Variants in ERC2 observed in about 807,000 individuals in gnomAD.
The protein encoded by ERC2 is ERC protein 2.
Under a neutral mutation model 114.8 loss-of-function variants are expected in ERC2, and 42 were observed. The ratio of observed to expected loss-of-function variants is 0.37; its 90% confidence interval spans 0.29 to 0.47. The LOEUF is 0.47. Ranked by LOEUF, ERC2 falls within the 20% of genes least tolerant of loss-of-function variation. The pLI, the probability that ERC2 is intolerant of heterozygous loss-of-function variation, is 0.99. For missense variants in ERC2, 939 were observed against 1,150.7 expected (o/e 0.82, Z 2.66); for synonymous variants, 454 against 425.5 (o/e 1.07, Z -0.82).
intron 3 of ERC2, among the ~76,000 whole-genome samples, chr3:56,203,561 T>C (rs1205070424): frequency 1.3e-5 from 2 of 152,200 alleles, no homozygotes. Flanking sequence ...AATTAAAATG[T>C]TCCAGGTATG....
chr3:56,066,978 G>A (rs116475008), intron 7 of ERC2, among the ~76,000 whole-genome samples: 34 of 152,146 alleles, frequency 2.2e-4, no homozygotes, highest in Non-Finnish European at 4.3e-4. Context: ...GAAGTCAAGC[G>A]GCATAATGCC....
At chr3:55,895,388 C>A (rs1252945923) in intron 13 of ERC2, among the ~76,000 whole-genome samples, 2 of 152,148 alleles carry the variant, frequency 1.3e-5, no homozygotes, top group African/African-American at 4.8e-5. Context: ...GCCTACAGAT[C>A]CTCCCCTTTA....
At chr3:56,256,785 GTGTT>G (rs888626918) in intron 3 of ERC2, among the ~76,000 whole-genome samples, 1 of 152,104 alleles carries the variant, frequency 6.6e-6, no homozygotes, top group African/African-American at 2.4e-5. Context: ...GGTTTTATAA[GTGTT>G]TGGAGGTTCC....
chr3:55,784,777 A>G (rs1291539443), intron 14 of ERC2, among the ~76,000 whole-genome samples: 1 of 152,224 alleles, frequency 6.6e-6, no homozygotes, highest in Non-Finnish European at 1.5e-5. Context: ...CAACTGGGAG[A>G]CATGCCTTTG....
intron 7 of ERC2, among the ~76,000 whole-genome samples, chr3:56,040,671 G>A: frequency 7.9e-6 from 1 of 126,296 alleles, no homozygotes; most frequent in South Asian, 2.5e-4. Flanking sequence ...TACATATATA[G>A]ATAGATACAT....
chr3:56,418,505 T>C (rs1022778683), intron 2 of ERC2, among the ~76,000 whole-genome samples: 2 of 152,160 alleles, frequency 1.3e-5, no homozygotes, highest in African/African-American at 4.8e-5. Context: ...TTGCTAAATG[T>C]AACTTTTTGA....
chr3:56,462,782 C>T (rs548052085), intron 1 of ERC2, among the ~76,000 whole-genome samples: 9 of 152,230 alleles, frequency 5.9e-5, no homozygotes, highest in East Asian at 1.9e-4. Flanking sequence ...GGAGTATGTG[C>T]GGCTGCAAGT....
intron 10 of ERC2, among the ~76,000 whole-genome samples, chr3:56,000,139 A>G (rs1259725614): frequency 6.6e-6 from 1 of 152,052 alleles, no homozygotes; most frequent in Non-Finnish European, 1.5e-5. Flanking sequence ...TTGATAAATC[A>G]TGCTGGATAA....
chr3:55,552,069 G>A (rs140545858), intron 17 of ERC2, among the ~76,000 whole-genome samples: 3,441 of 152,196 alleles, frequency 0.023, 71 homozygotes, highest in African/African-American at 0.055. Flanking sequence ...ATAGAACCCC[G>A]CACCTCTAAG....
At chr3:55,762,792 C>T (rs141020045) in intron 14 of ERC2, among the ~76,000 whole-genome samples, 22 of 152,222 alleles carry the variant, frequency 1.4e-4, no homozygotes, top group African/African-American at 2.9e-4. Context: ...AAAAGAGAGA[C>T]GCAAGGAAGA....
At chr3:56,420,177 CTTTTTTTTTTTTTTT>C (rs34883402) in intron 2 of ERC2, among the ~76,000 whole-genome samples, 1 of 72,292 alleles carries the variant, frequency 1.4e-5, no homozygotes, top group Non-Finnish European at 2.5e-5. Context: ...AGTGGTTATA[CTTTTTTTTTTTTTTT>C]TTTTTTTTTG....
chr3:56,248,917 T>C (rs1418131436), intron 3 of ERC2, among the ~76,000 whole-genome samples: 1 of 152,250 alleles, frequency 6.6e-6, no homozygotes, highest in Non-Finnish European at 1.5e-5. Flanking sequence ...GAACAGTTTA[T>C]GTTATTTATT....
intron 3 of ERC2, among the ~76,000 whole-genome samples, chr3:56,198,844 T>C (rs1413296795): frequency 6.6e-6 from 1 of 152,098 alleles, no homozygotes; most frequent in Non-Finnish European, 1.5e-5. Flanking sequence ...GGGTCCAGAC[T>C]ATACAAGATC....
Position 55,977,270 on chromosome 3 carries a change from TAA to T in ERC2, c.2267+8705_2267+8706del, listed in dbSNP as rs1219969404. 3.3e-5 allele frequency among the ~76,000 whole-genome samples: 5 copies of T among 152,250 alleles called. No homozygotes were observed. In the East Asian group the frequency reaches 9.6e-4, roughly 29 times the overall value. On this transcript the variant is annotated intron_variant, in intron 12 of 17. Coordinates refer to ENST00000288221, the MANE Select transcript of ERC2 (RefSeq NM_015576.3). ...AGTATGATACAAAATTCAGAAGACA[TAA>T]AAGAGATGACTGAATACATTTGACT...
intron 8 of ERC2, among the ~76,000 whole-genome samples, chr3:56,011,114 G>T (rs1448182829): frequency 6.6e-6 from 1 of 152,224 alleles, no homozygotes; most frequent in African/African-American, 2.4e-5. Flanking sequence ...GACTCATTGT[G>T]AGAACTTGAG....
At chr3:55,887,909 C>T (rs1172611697) in intron 14 of ERC2, among the ~76,000 whole-genome samples, 1 of 152,246 alleles carries the variant, frequency 6.6e-6, no homozygotes, top group African/African-American at 2.4e-5. Flanking sequence ...ACTTTCTGAA[C>T]AAAGAGGTGC....
At chr3:56,104,040 GAACA>G (rs1424805892) in intron 6 of ERC2, among the ~76,000 whole-genome samples, 1 of 152,164 alleles carries the variant, frequency 6.6e-6, no homozygotes, top group Non-Finnish European at 1.5e-5. Flanking sequence ...ATTAATGAAT[GAACA>G]AACAGATACA....
chr3:55,659,955 CTTA>C (rs2061051152), intron 17 of ERC2, among the ~76,000 whole-genome samples: 1 of 152,116 alleles, frequency 6.6e-6, no homozygotes, highest in Non-Finnish European at 1.5e-5. Context: ...CACTACAGCA[CTTA>C]TTATACTATC....
intron 7 of ERC2, among the ~76,000 whole-genome samples, chr3:56,031,501 C>T (rs1419654075): frequency 6.6e-6 from 1 of 152,232 alleles, no homozygotes; most frequent in Non-Finnish European, 1.5e-5. Flanking sequence ...AGGTGAAGGC[C>T]TTTCCCTGCT....
Sources: gnomAD v4.1 joint callset for allele counts (sites outside exome capture counted in the v4.1 genomes callset) on GRCh38, gnomAD v4.1.1 for gene constraint, MANE v1.5 for transcripts, NCBI Gene and HGNC (gene_info 2026-07-23, HGNC 2026-07-21) for gene names.